The following CAMTA1 variants were observed in gnomAD, a reference collection of about 807,000 sequenced individuals.
The protein encoded by CAMTA1 is calmodulin binding transcription activator 1.
Under a neutral mutation model 170.9 loss-of-function variants are expected in CAMTA1, and 27 were observed. That is an observed-to-expected ratio of 0.16 (90% CI 0.12 to 0.22). The LOEUF (loss-of-function observed/expected upper bound fraction) is 0.22. Among genes scored for constraint, CAMTA1 ranks in the 10% least tolerant of loss-of-function variants. The pLI, the probability that CAMTA1 is intolerant of heterozygous loss-of-function variation, is 1.00. For synonymous variants in CAMTA1, 833 were observed against 891.5 expected, an observed-to-expected ratio of 0.93 and a Z score of 1.17; for missense variants, 1,619 against 2,217.2, an observed-to-expected ratio of 0.73 and a Z score of 5.42.
intron 4 of CAMTA1, among the ~76,000 whole-genome samples, chr1:7,102,653 A>G (rs532792631): frequency 6.6e-6 from 1 of 152,282 alleles, no homozygotes; most frequent in Non-Finnish European, 1.5e-5. Context: ...CACAGCCTGC[A>G]CCGTGAAATG....
chr1:7,686,536 CA>C (rs1429936051), intron 11 of CAMTA1, among the ~76,000 whole-genome samples: 6 of 150,622 alleles, frequency 4.0e-5, no homozygotes, highest in African/African-American at 7.4e-5. Context: ...GGGAGAGGGC[CA>C]GGGGGTTCAG....
chr1:7,032,601 A>AT (rs980881120), intron 3 of CAMTA1, among the ~76,000 whole-genome samples: 5 of 152,158 alleles, frequency 3.3e-5, no homozygotes, highest in African/African-American at 7.2e-5. Context: ...GATTTAAGGA[A>AT]TAAAAAGTCT....
chr1:7,060,661 G>C (rs541087333), intron 3 of CAMTA1, among the ~76,000 whole-genome samples: 1 of 152,146 alleles, frequency 6.6e-6, no homozygotes, highest in South Asian at 2.1e-4. Flanking sequence ...CAGTGCAGGC[G>C]CCCCTGAGGT....
chr1:7,660,789 C>G (rs1461637888), intron 7 of CAMTA1, among the ~76,000 whole-genome samples: 1 of 152,232 alleles, frequency 6.6e-6, no homozygotes, highest in Non-Finnish European at 1.5e-5. Context: ...TGCCCGGCTC[C>G]TCCGCGCCTG....
chr1:7,646,134 G>A (rs879520143), intron 7 of CAMTA1, among the ~76,000 whole-genome samples: 2 of 150,876 alleles, frequency 1.3e-5, no homozygotes, highest in African/African-American at 4.9e-5. Context: ...CGGAGGCCCC[G>A]TTGAGGTGGA....
intron 4 of CAMTA1, among the ~76,000 whole-genome samples, chr1:7,172,333 A>G (rs1649807080): frequency 6.6e-6 from 1 of 152,136 alleles, no homozygotes; most frequent in Non-Finnish European, 1.5e-5. Flanking sequence ...TATTTTTAGT[A>G]GAGACAGGGT....
At chr1:6,863,139 T>C (rs941167979) in intron 3 of CAMTA1, among the ~76,000 whole-genome samples, 2 of 152,208 alleles carry the variant, frequency 1.3e-5, no homozygotes, top group Non-Finnish European at 2.9e-5. Flanking sequence ...ATACGGTGTT[T>C]TACTGTGTGT....
rs74329353 is a variant in CAMTA1 at position 7,330,826 on chromosome 1, G to A, written c.438+81200G>A. The stretch of plus-strand genomic sequence containing the variant: ...TGACAGTGAAGCCTGGCCCGCAGGA[G>A]CTGTGTGCATCCTATCAGCCAGATA... On this transcript the variant is annotated intron_variant, in intron 5 of 22. Transcript: ENST00000303635. 3.4e-3 allele frequency among the ~76,000 whole-genome samples: 517 copies of A among 152,366 alleles called. 1 individual carries two copies. Among genetic ancestry groups the A allele is most frequent in the Middle Eastern group, 0.01 (3 of 294 alleles).
At chr1:7,742,048 A>G (rs777977655) in intron 16 of CAMTA1, among the ~76,000 whole-genome samples, 2 of 151,824 alleles carry the variant, frequency 1.3e-5, no homozygotes, top group Admixed American at 6.6e-5. Context: ...GAAATGATAG[A>G]TAACAGCTAT....
In CAMTA1 at chr1:7,534,091, G is replaced by A. The variant is rs1471325591; in HGVS notation, c.510+66190G>A. Reference sequence around the variant, plus strand: ...TCTCCTGGGGGCTCATGGGACTCCTGAGGCCCCTCCCATCACCGGTCACCC... The same window carrying A: ...TCTCCTGGGGGCTCATGGGACTCCTAAGGCCCCTCCCATCACCGGTCACCC... On this transcript the variant is annotated intron_variant, in intron 6 of 22. Coordinates refer to ENST00000303635, the MANE Select transcript of CAMTA1 (RefSeq NM_015215.4). This position sits in a 1 kb window ranked among gnomAD's most constrained non-coding sequence, Gnocchi z 5.6. Among the ~76,000 whole-genome samples, 1 of 152,126 alleles carries A rather than the reference G, an allele frequency of 6.6e-6. No individual in the cohort carries two copies. The highest frequency in any genetic ancestry group is 1.9e-4 in the East Asian group (1 of 5,178).
chr1:7,730,240 A>G (rs2096721434), intron 11 of CAMTA1, among the ~76,000 whole-genome samples: 1 of 152,232 alleles, frequency 6.6e-6, no homozygotes, highest in Non-Finnish European at 1.5e-5. Flanking sequence ...TGGCAGAGCC[A>G]GGGCTCTGCA....
intron 2 of CAMTA1, among the ~76,000 whole-genome samples, chr1:6,824,678 A>T (rs986882802): frequency 3.9e-5 from 6 of 152,204 alleles, no homozygotes; most frequent in African/African-American, 1.4e-4. Flanking sequence ...AAATAGTCAT[A>T]TATTACTATA....
intron 3 of CAMTA1, among the ~76,000 whole-genome samples, chr1:7,074,113 C>G (rs1639002067): frequency 6.6e-6 from 1 of 152,160 alleles, no homozygotes; most frequent in Non-Finnish European, 1.5e-5. Flanking sequence ...AAGGTAATCT[C>G]TGTTACTTTA....
intron 4 of CAMTA1, among the ~76,000 whole-genome samples, chr1:7,246,115 G>T (rs1429745941): frequency 6.6e-6 from 1 of 152,214 alleles, no homozygotes; most frequent in African/African-American, 2.4e-5. Flanking sequence ...CCAGCAGGTG[G>T]AGCAGAACGG....
At chr1:7,197,130 G>T (rs1381474255) in intron 4 of CAMTA1, among the ~76,000 whole-genome samples, 2 of 152,204 alleles carry the variant, frequency 1.3e-5, no homozygotes, top group Non-Finnish European at 2.9e-5. Flanking sequence ...CAGAAAAATA[G>T]AATATCACTG....
rs1319004549 is a variant in CAMTA1 at position 7,737,012 on chromosome 1, A to G, written c.3342+3A>G. ...ACCACTTCTCCTGTACTCCTCTGGT[A>G]AGGAATGGATTCCTGTAGCCCCCCC... On this transcript the variant is annotated splice_donor_region_variant and intron_variant, in intron 14 of 22. Coordinates refer to ENST00000303635, the MANE Select transcript of CAMTA1 (RefSeq NM_015215.4). The G allele has an allele frequency of 1.2e-6, 2 of 1,605,020 alleles. No individual in the cohort carries two copies. Among genetic ancestry groups the G allele is most frequent in the African/African-American group, 2.7e-5 (2 of 74,692 alleles).
chr1:6,943,127 G>A (rs868854418), intron 3 of CAMTA1, among the ~76,000 whole-genome samples: 8 of 151,842 alleles, frequency 5.3e-5, no homozygotes, highest in Non-Finnish European at 2.9e-5. Context: ...TCCTTATCTC[G>A]TGGGACCCCA....
chr1:6,899,527 A>G (rs953522823), intron 3 of CAMTA1, among the ~76,000 whole-genome samples: 6 of 150,996 alleles, frequency 4.0e-5, no homozygotes, highest in African/African-American at 1.2e-4. Flanking sequence ...TTAAAAAATT[A>G]TATGTGTATA....
chr1:7,501,238 A>G (rs4908463), intron 6 of CAMTA1, among the ~76,000 whole-genome samples: 31,949 of 151,998 alleles, frequency 0.21, 4,268 homozygotes, highest in African/African-American at 0.38. Context: ...CAAGGCATCA[A>G]GCTGAGAAAA....
Sources: gnomAD v4.1 joint callset for allele counts (sites outside exome capture counted in the v4.1 genomes callset) on GRCh38, gnomAD v4.1.1 for gene constraint, Gnocchi (gnomAD v3.1) non-coding constraint, MANE v1.5 for transcripts, NCBI Gene and HGNC (gene_info 2026-07-23, HGNC 2026-07-21) for gene names.